B4GALT1: variants seen among roughly 807,000 people sequenced by gnomAD.
B4GALT1 encodes beta-1,4-galactosyltransferase 1.
A neutral mutation model predicts 34.9 loss-of-function variants in B4GALT1; 16 were observed. The observed-to-expected ratio is 0.46, with a 90% CI of 0.31 to 0.70. The LOEUF (loss-of-function observed/expected upper bound fraction) is 0.70, where lower values mean the gene tolerates loss of function less well. Ranked by LOEUF, B4GALT1 falls within the 30% of genes least tolerant of loss-of-function variation. B4GALT1 has a pLI of 0.05. For missense variants in B4GALT1, 445 were observed against 530.5 expected (o/e 0.84, Z 1.58); for synonymous variants, 221 against 218.1 (o/e 1.01, Z -0.12).
intron 3 of B4GALT1, among the ~76,000 whole-genome samples, chr9:33,119,491 A>G (rs1016340015): frequency 6.6e-6 from 1 of 152,222 alleles, no homozygotes; most frequent in Non-Finnish European, 1.5e-5. Flanking sequence ...CTGAGGTGAG[A>G]GGATCACTTG....
At chr9:33,109,566 G>T (rs1472697430), downstream of B4GALT1, among the ~76,000 whole-genome samples, 3 of 152,242 alleles carry the variant, frequency 2.0e-5, no homozygotes, top group Admixed American at 6.5e-5. Flanking sequence ...CTACTTCTAA[G>T]TTGTGGCGGG....
intron 2 of B4GALT1, among the ~76,000 whole-genome samples, chr9:33,129,579 G>C (rs1840163172): frequency 1.3e-5 from 2 of 152,240 alleles, no homozygotes; most frequent in South Asian, 4.1e-4. Context: ...GACTGCGTCT[G>C]TACTGACTAT....
chr9:33,161,759 G>C lies in B4GALT1; in HGVS notation c.412+4999C>G, dbSNP rs189276657. Among the ~76,000 whole-genome samples the C allele has an allele frequency of 2.4e-3, 370 of 152,308 alleles. 3 individuals carry two copies. Among genetic ancestry groups the C allele is most frequent in the Middle Eastern group, 3.4e-3 (1 of 294 alleles). On this transcript the variant is annotated intron_variant, in intron 1 of 5. Coordinates refer to ENST00000379731, the MANE Select transcript of B4GALT1 (RefSeq NM_001497.4). ...CTGCTCCACTGGACAAGAAAAACTG[G>C]AATTTCCAGGTAGATGTGGGTTCAA...
Position 33,135,223 on chromosome 9 carries a change from T to C in B4GALT1, c.614A>G (p.Gln205Arg). ...AACATAGATGCCATAGTCCAGCTGC[T>C]GGCGCTGCAGGACTGGGTGCAAATA... ...LYYLHPVLQR[Q>R]QLDYGIYVIN... The change falls in exon 2 of 6, where the codon CAG becomes CGG. Residue 205 changes from glutamine (Q) to arginine (R), a missense_variant. Gln to Arg is a conservative substitution (Grantham distance 43). Coordinates refer to ENST00000379731, the MANE Select transcript of B4GALT1 (RefSeq NM_001497.4). The C allele has an allele frequency of 6.2e-7, 1 of 1,614,140 alleles. No homozygotes were observed. Among genetic ancestry groups the C allele is most frequent in the Admixed American group, 1.7e-5 (1 of 60,026 alleles).
At chr9:33,120,340 T>G (rs1840002193) in intron 3 of B4GALT1, 79 bp downstream of exon 3, 5 of 1,527,224 alleles carry the variant, frequency 3.3e-6, no homozygotes, top group South Asian at 2.3e-5. Flanking sequence ...GAGGCACTCT[T>G]GAGCTGCCAG....
intron 1 of B4GALT1, among the ~76,000 whole-genome samples, chr9:33,148,804 T>TAAAAAAAAAAAA (rs72391353): frequency 3.9e-5 from 5 of 127,690 alleles, no homozygotes; most frequent in African/African-American, 5.7e-5. Flanking sequence ...TGCCTAAAAG[T>TAAAAAAAAAAAA]AAAAAAAAAA....
At chr9:33,179,372 A>C in the B4GALT1 span, 1 of 152,216 alleles carries the variant, frequency 6.6e-6, no homozygotes, top group African/African-American at 2.4e-5. Context: ...AGATTTCAGC[A>C]TCAGAGAGAA....
chr9:33,173,418 A>G, the B4GALT1 span, among the ~76,000 whole-genome samples: 1 of 148,188 alleles, frequency 6.7e-6, no homozygotes, highest in Non-Finnish European at 1.5e-5. Flanking sequence ...AAAAAAAGCA[A>G]AAAAAAAAAA....
chr9:33,117,943 T>A (rs1010891472), intron 3 of B4GALT1, among the ~76,000 whole-genome samples: 1 of 152,208 alleles, frequency 6.6e-6, no homozygotes, highest in Non-Finnish European at 1.5e-5. Flanking sequence ...ATGATTTGGT[T>A]TTGCTGTCTC....
intron 1 of B4GALT1, among the ~76,000 whole-genome samples, chr9:33,138,136 G>T (rs545098539): frequency 6.6e-6 from 1 of 152,318 alleles, no homozygotes; most frequent in South Asian, 2.1e-4. Context: ...GCTCGCTTCC[G>T]CGGGACAGAC....
chr9:33,104,580 CA>C, exon 3 of B4GALT1: 1 of 347,438 alleles, frequency 2.9e-6, no homozygotes, highest in Non-Finnish European at 5.6e-6. Context: ...TCACTGGGGT[CA>C]AGGTCCCCAG....
At chr9:33,154,908 G>A (rs996739770) in intron 1 of B4GALT1, among the ~76,000 whole-genome samples, 1 of 151,956 alleles carries the variant, frequency 6.6e-6, no homozygotes, top group Non-Finnish European at 1.5e-5. Context: ...TCTTCTTCCA[G>A]TGTGGCCTGG....
intron 2 of B4GALT1, among the ~76,000 whole-genome samples, chr9:33,134,325 G>T (rs73472087): frequency 0.078 from 11,920 of 152,196 alleles, 773 homozygotes; most frequent in African/African-American, 0.18. Flanking sequence ...AGAAATGGGC[G>T]TACTCAGACT....
the B4GALT1 span, among the ~76,000 whole-genome samples, chr9:33,184,374 G>T: frequency 6.6e-6 from 1 of 151,814 alleles, no homozygotes; most frequent in Non-Finnish European, 1.5e-5. Flanking sequence ...CAAGGATAAG[G>T]GTGGACTACT....
At chr9:33,132,876 C>T (rs148425044) in intron 2 of B4GALT1, among the ~76,000 whole-genome samples, 4,558 of 152,130 alleles carry the variant, frequency 0.03, 129 homozygotes, top group Admixed American at 0.079. Flanking sequence ...ATCCTCTTTA[C>T]CCAAGTATAT....
chr9:33,109,805 T>G (rs969204930), downstream of B4GALT1, among the ~76,000 whole-genome samples: 9 of 152,328 alleles, frequency 5.9e-5, no homozygotes, highest in East Asian at 7.7e-4. Flanking sequence ...TAGTGTCCAC[T>G]AGAAAACTGC....
chr9:33,105,223 T>A (rs1046422157), intron 2 of B4GALT1, among the ~76,000 whole-genome samples: 27 of 151,936 alleles, frequency 1.8e-4, no homozygotes, highest in African/African-American at 6.5e-4. Flanking sequence ...CACCACAACC[T>A]CCGCCTTCCA....
upstream of B4GALT1, among the ~76,000 whole-genome samples, chr9:33,171,800 C>T (rs1840844211): frequency 6.6e-6 from 1 of 152,194 alleles, no homozygotes; most frequent in Admixed American, 6.5e-5. Context: ...CGCAGTCTTC[C>T]TGCTTTGGCC....
At chr9:33,159,284 G>C (rs1411634331) in intron 1 of B4GALT1, among the ~76,000 whole-genome samples, 1 of 152,176 alleles carries the variant, frequency 6.6e-6, no homozygotes, top group Non-Finnish European at 1.5e-5. Context: ...CTGTCATGGG[G>C]CCAAGCAATG....
Sources: gnomAD v4.1 joint callset for allele counts (sites outside exome capture counted in the v4.1 genomes callset) on GRCh38, gnomAD v4.1.1 for gene constraint, MANE v1.5 for transcripts, NCBI Gene and HGNC (gene_info 2026-07-23, HGNC 2026-07-21) for gene names.